ANKS1B: variants seen among roughly 807,000 people sequenced by gnomAD.
ANKS1B encodes ankyrin repeat and sterile alpha motif domain containing 1B, also known as ankyrin repeat and sterile alpha motif domain-containing protein 1B.
In ANKS1B, 36 loss-of-function variants were observed where a neutral mutation model predicts 148.3. The observed-to-expected ratio is 0.24, with a 90% confidence interval of 0.19 to 0.32. ANKS1B has a LOEUF of 0.32. Ranked by LOEUF, ANKS1B falls within the 10% of genes least tolerant of loss-of-function variation. The pLI is 1.00. For missense variants in ANKS1B, 1,157 were observed against 1,542.6 expected, an observed-to-expected ratio of 0.75 and a Z score of 4.19; for synonymous variants, 542 against 560.8, an observed-to-expected ratio of 0.97 and a Z score of 0.47.
At chr12:99,599,153 T>C (rs1310981842) in intron 9 of ANKS1B, among the ~76,000 whole-genome samples, 1 of 152,048 alleles carries the variant, frequency 6.6e-6, no homozygotes, top group Admixed American at 6.6e-5. Context: ...ATCTCCCATC[T>C]CAAGATCCTT....
chr12:99,741,411 T>C (rs2060100328), intron 8 of ANKS1B, among the ~76,000 whole-genome samples: 1 of 152,090 alleles, frequency 6.6e-6, no homozygotes, highest in Non-Finnish European at 1.5e-5. Flanking sequence ...ACCCAAAGGA[T>C]TATAAATCAT....
chr12:99,927,940 A>G (rs549634544), intron 1 of ANKS1B, among the ~76,000 whole-genome samples: 2 of 152,308 alleles, frequency 1.3e-5, no homozygotes, highest in East Asian at 3.9e-4. Flanking sequence ...AAAACCATAC[A>G]AATTTACTAA....
intron 1 of ANKS1B, among the ~76,000 whole-genome samples, chr12:99,878,403 T>C (rs2092269881): frequency 6.6e-6 from 1 of 152,188 alleles, no homozygotes. Flanking sequence ...AGAGACAAAC[T>C]GGAATATGAG....
intron 17 of ANKS1B, among the ~76,000 whole-genome samples, chr12:98,841,759 A>T (rs1392913809): frequency 6.6e-6 from 1 of 152,164 alleles, no homozygotes; most frequent in Non-Finnish European, 1.5e-5. Flanking sequence ...AGGAAAAAAA[A>T]AGGGGTAACA....
chr12:99,601,185 C>T (rs558287610), intron 9 of ANKS1B, among the ~76,000 whole-genome samples: 111 of 152,104 alleles, frequency 7.3e-4, no homozygotes, highest in African/African-American at 2.6e-3. Context: ...TACCGGTGTC[C>T]AGTAGGTCTC....
chr12:98,816,004 G>A (rs929319221), intron 19 of ANKS1B, among the ~76,000 whole-genome samples: 1 of 151,788 alleles, frequency 6.6e-6, no homozygotes, highest in African/African-American at 2.4e-5. Flanking sequence ...CCGTTCTCTG[G>A]TACCCACACT....
At chr12:99,037,499 C>CA (rs60767962) in intron 17 of ANKS1B, among the ~76,000 whole-genome samples, 3,492 of 130,328 alleles carry the variant, frequency 0.027, 111 homozygotes, top group African/African-American at 0.08. Context: ...AGCTCTGTCT[C>CA]AAAAAAAAAA....
intron 10 of ANKS1B, among the ~76,000 whole-genome samples, chr12:99,467,763 C>A (rs981997114): frequency 6.6e-6 from 1 of 152,154 alleles, no homozygotes; most frequent in Non-Finnish European, 1.5e-5. Flanking sequence ...AGGAGAACTA[C>A]AAACCACTGC....
chr12:99,919,705 G>A (rs1257594417), intron 1 of ANKS1B, among the ~76,000 whole-genome samples: 2 of 150,410 alleles, frequency 1.3e-5, no homozygotes, highest in African/African-American at 2.5e-5. Flanking sequence ...GTACTAACAT[G>A]GTAGCCTCTA....
chr12:99,431,306 G>A (rs919588594), intron 11 of ANKS1B, among the ~76,000 whole-genome samples: 18 of 152,098 alleles, frequency 1.2e-4, no homozygotes, highest in African/African-American at 4.3e-4. Flanking sequence ...AGTAGACAGT[G>A]TGTAGATACC....
In ANKS1B at chr12:99,628,351, A is replaced by C. The variant is rs554795032; in HGVS notation, c.1272+26716T>G. On this transcript the variant is annotated intron_variant, in intron 9 of 26. Transcript: ENST00000683438. Reference sequence around the variant, plus strand: ...TCCAGAGTGGTTCTACACCAATCCTAATCTGGTTTCTGTTTCTAAGAAATG... The same window carrying C: ...TCCAGAGTGGTTCTACACCAATCCTCATCTGGTTTCTGTTTCTAAGAAATG... Among the ~76,000 whole-genome samples the C allele has an allele frequency of 2.0e-5, 3 of 152,286 alleles. No homozygotes were observed. The South Asian group carries it at 6.2e-4, about 32-fold the overall frequency.
chr12:98,917,769 G>C (rs59924844), intron 17 of ANKS1B, among the ~76,000 whole-genome samples: 426 of 152,308 alleles, frequency 2.8e-3, no homozygotes, highest in African/African-American at 1.0e-2. Flanking sequence ...GGACAAATGG[G>C]ATTTGGGAGA....
At chr12:99,770,255 T>C (rs1403995250) in intron 8 of ANKS1B, among the ~76,000 whole-genome samples, 1 of 152,198 alleles carries the variant, frequency 6.6e-6, no homozygotes, top group Non-Finnish European at 1.5e-5. Flanking sequence ...TTATTCAGTG[T>C]TTTATATGTT....
chr12:99,007,895 T>A (rs990109002), intron 17 of ANKS1B, among the ~76,000 whole-genome samples: 7 of 151,762 alleles, frequency 4.6e-5, no homozygotes, highest in Non-Finnish European at 1.0e-4. Context: ...CTTAGGGACA[T>A]GATGGGTTCT....
intron 10 of ANKS1B, among the ~76,000 whole-genome samples, chr12:99,466,985 A>G (rs1268393513): frequency 6.6e-6 from 1 of 152,186 alleles, no homozygotes; most frequent in Non-Finnish European, 1.5e-5. Context: ...AGACACAACC[A>G]AAAAAGAGAA....
chr12:99,935,623 T>A (rs2094746181), intron 1 of ANKS1B, among the ~76,000 whole-genome samples: 1 of 152,128 alleles, frequency 6.6e-6, no homozygotes, highest in East Asian at 1.9e-4. Context: ...CACTCTCAAC[T>A]TCTAGATGCC....
intron 1 of ANKS1B, among the ~76,000 whole-genome samples, chr12:99,955,998 G>A (rs2095317560): frequency 6.6e-6 from 1 of 152,102 alleles, no homozygotes; most frequent in South Asian, 2.1e-4. Flanking sequence ...GATGAGGCTG[G>A]GTGCCATGGC....
chr12:99,665,427 G>T (rs1225826051), intron 8 of ANKS1B, among the ~76,000 whole-genome samples: 1 of 151,952 alleles, frequency 6.6e-6, no homozygotes, highest in African/African-American at 2.4e-5. Flanking sequence ...TGTGCTTAGA[G>T]GCCATTTACC....
At chr12:99,617,950 T>C (rs1279597164) in intron 9 of ANKS1B, among the ~76,000 whole-genome samples, 1 of 152,204 alleles carries the variant, frequency 6.6e-6, no homozygotes. Flanking sequence ...ATAGCCTCTC[T>C]TTTGAATTGA....
Sources: gnomAD v4.1 joint callset for allele counts (sites outside exome capture counted in the v4.1 genomes callset) on GRCh38, gnomAD v4.1.1 for gene constraint, MANE v1.5 for transcripts, NCBI Gene and HGNC (gene_info 2026-07-23, HGNC 2026-07-21) for gene names.